The following PSMG2 variants were observed in gnomAD, a reference collection of about 807,000 sequenced individuals.
The protein encoded by PSMG2 is CD40 ligand-activated specific transcript 3.
A neutral mutation model predicts 31.5 loss-of-function variants in PSMG2; 21 were observed. That is an observed-to-expected ratio of 0.67 (90% CI 0.47 to 0.96). The LOEUF (loss-of-function observed/expected upper bound fraction) is 0.96. Among genes scored for constraint, PSMG2 ranks in the 40% least tolerant of loss-of-function variants. The pLI is 0.00. For missense variants in PSMG2, 318 were observed against 321.2 expected (o/e 0.99, Z 0.08); for synonymous variants, 120 against 110.4 (o/e 1.09, Z -0.54).
At chr18:12,725,123 T>C (rs1021493567) in intron 6 of PSMG2, among the ~76,000 whole-genome samples, 1 of 152,246 alleles carries the variant, frequency 6.6e-6, no homozygotes, top group Non-Finnish European at 1.5e-5. Flanking sequence ...GCTTTTTAAT[T>C]CATGCTTTTG....
At chr18:12,699,782 C>G, upstream of PSMG2, 1 of 1,058,282 alleles carries the variant, frequency 9.4e-7, no homozygotes, top group Non-Finnish European at 1.4e-6. Context: ...TACACCACAT[C>G]AATATTTACT....
chr18:12,678,540 T>A (rs1047673702), intron 1 of PSMG2: 5 of 724,766 alleles, frequency 6.9e-6, no homozygotes, highest in South Asian at 2.1e-5. Flanking sequence ...CATAACTACT[T>A]CTCAGAACTA....
chr18:12,720,816 C>T, intron 5 of PSMG2, 133 bp downstream of exon 5: 1 of 854,626 alleles, frequency 1.2e-6, no homozygotes, highest in Non-Finnish European at 1.7e-6. Flanking sequence ...AAAACAACAA[C>T]AAAAAAAACA....
chr18:12,688,639 A>G (rs143438165), intron 1 of PSMG2, among the ~76,000 whole-genome samples: 72 of 152,316 alleles, frequency 4.7e-4, no homozygotes, highest in Admixed American at 1.6e-3. Context: ...AAAAGTTAAT[A>G]TTTCAACCTC....
chr18:12,690,085 G>A (rs200892620), intron 1 of PSMG2, among the ~76,000 whole-genome samples: 3 of 151,826 alleles, frequency 2.0e-5, no homozygotes, highest in South Asian at 2.1e-4. Context: ...CACCGCGCCC[G>A]GCCAGGAAGC....
intron 1 of PSMG2, chr18:12,680,918 G>A: frequency 8.2e-7 from 1 of 1,223,640 alleles, no homozygotes; most frequent in African/African-American, 1.5e-5. Context: ...AAATTTATTG[G>A]CTGGGCACAG....
At chr18:12,690,947 C>G (rs537655284) in intron 1 of PSMG2, among the ~76,000 whole-genome samples, 20 of 151,370 alleles carry the variant, frequency 1.3e-4, no homozygotes, top group African/African-American at 3.1e-4. Flanking sequence ...GAGCCCCCCC[C>G]CGTTCTGCAC....
At chr18:12,673,213 T>G (rs1810522150) in intron 1 of PSMG2, 10 of 1,350,692 alleles carry the variant, frequency 7.4e-6, no homozygotes, top group Non-Finnish European at 9.5e-6. Flanking sequence ...ATGATTTTTT[T>G]TAAACATTAC....
At chr18:12,699,154 T>A, upstream of PSMG2, 1 of 1,614,118 alleles carries the variant, frequency 6.2e-7, no homozygotes, top group Non-Finnish European at 8.5e-7. Flanking sequence ...AGAAAGCTTT[T>A]CCACCCAAAA....
intron 5 of PSMG2, 123 bp from the exon 6 acceptor site, chr18:12,724,376 T>TA (rs1189548063): frequency 7.2e-6 from 7 of 975,254 alleles, no homozygotes; most frequent in Non-Finnish European, 1.0e-5. Context: ...TAAGTGATCT[T>TA]ATGGTGTGGC....
chr18:12,661,963 T>C (rs915029215), intron 1 of PSMG2: 20 of 256,494 alleles, frequency 7.8e-5, no homozygotes, highest in Non-Finnish European at 1.4e-4. Context: ...TATGATTTTG[T>C]TTTGTTGATT....
chr18:12,720,534 A>G lies in PSMG2; in HGVS notation c.432A>G (p.Thr144=). 6.2e-7 allele frequency: 1 copy of G among 1,610,204 alleles called. No individual in the cohort carries two copies. Among genetic ancestry groups the G allele is most frequent in the South Asian group, 1.1e-5 (1 of 90,486 alleles). ...GTACTCCCTTCCGGTACCTACTTAC[A>G]CCTTCCATGCAAAAAAGTGTTCAAA... ...LRSTPFRYLL[T]PSMQKSVQNK... is the part of the protein sequence containing the mutation. The change falls in exon 5 of 7, where the codon ACA becomes ACG. Residue 144 remains threonine, a synonymous_variant. Transcript: ENST00000317615.
intron 1 of PSMG2, chr18:12,697,282 C>T (rs751112066): frequency 3.1e-6 from 5 of 1,613,966 alleles, no homozygotes; most frequent in South Asian, 2.2e-5. Context: ...CAAAACCGAT[C>T]GCCATTCCAG....
chr18:12,697,154 G>T, intron 1 of PSMG2: 1 of 1,126,084 alleles, frequency 8.9e-7, no homozygotes. Flanking sequence ...GCATTTTAAA[G>T]ATATAAAATA....
chr18:12,697,280 A>C, intron 1 of PSMG2: 1 of 1,614,084 alleles, frequency 6.2e-7, no homozygotes, highest in South Asian at 1.1e-5. Flanking sequence ...CCCAAAACCG[A>C]TCGCCATTCC....
Position 12,674,712 on chromosome 18 carries a change from G to A in PSMG2, c.-37+15939G>A, listed in dbSNP as rs147218951. Reference sequence around the variant, plus strand: ...AAGAAGCCAAAGCTGGTGATAAAAGGTAGGAGAGCTGGTCTTCCCAAACAG... The same window carrying A: ...AAGAAGCCAAAGCTGGTGATAAAAGATAGGAGAGCTGGTCTTCCCAAACAG... On this transcript the variant is annotated intron_variant, in intron 1 of 6. Transcript: ENST00000585331. 1,253 of 1,614,056 alleles carry A rather than the reference G, an allele frequency of 7.8e-4. 2 individuals are homozygous for A. The highest frequency in any genetic ancestry group is 1.0e-3 in the Non-Finnish European group (1,202 of 1,179,994).
Position 12,678,089 on chromosome 18 carries a change from A to G in PSMG2, c.-37+19316A>G, listed in dbSNP as rs374370690. 327 of 1,574,156 alleles carry G rather than the reference A, an allele frequency of 2.1e-4. No individual in the cohort carries two copies. The African/African-American group carries it at 3.8e-3, about 18-fold the overall frequency. On this transcript the variant is annotated intron_variant, in intron 1 of 6. Transcript: ENST00000585331. ...AAATGAAAAGAAGTATGAAACTACA[A>G]CTATTTCAGTGTGAATTACCTTCCT...
intron 5 of PSMG2, among the ~76,000 whole-genome samples, chr18:12,723,847 T>C (rs2040451996): frequency 6.6e-6 from 1 of 152,186 alleles, no homozygotes; most frequent in South Asian, 2.1e-4. Flanking sequence ...CCCCCTTTTA[T>C]AGATGAGGAA....
At chr18:12,722,240 T>C (rs2040437869) in intron 5 of PSMG2, among the ~76,000 whole-genome samples, 1 of 152,240 alleles carries the variant, frequency 6.6e-6, no homozygotes, top group Non-Finnish European at 1.5e-5. Flanking sequence ...TGACAATTTA[T>C]GAAACAACTG....
Sources: gnomAD v4.1 joint callset for allele counts (sites outside exome capture counted in the v4.1 genomes callset) on GRCh38, gnomAD v4.1.1 for gene constraint, MANE v1.5 for transcripts, NCBI Gene and HGNC (gene_info 2026-07-23, HGNC 2026-07-21) for gene names.